Variants in AFF2 observed in about 807,000 individuals in gnomAD.
AFF2 encodes AF4/FMR2 family member 2.
A neutral mutation model predicts 76.9 loss-of-function variants in AFF2; 14 were observed. The observed-to-expected ratio is 0.18, with a 90% CI of 0.12 to 0.28. The LOEUF (loss-of-function observed/expected upper bound fraction) is 0.28. Among genes scored for constraint, AFF2 ranks in the 10% least tolerant of loss-of-function variants. The pLI is 1.00. For missense variants in AFF2, 868 were observed against 1,001.1 expected (o/e 0.87, Z 1.79); for synonymous variants, 398 against 366.7 (o/e 1.09, Z -0.98).
Position 148,936,488 on chromosome X carries a change from G to A in AFF2, c.1398-17092G>A, listed in dbSNP as rs148094233. Among the ~76,000 whole-genome samples the A allele has an allele frequency of 3.1e-3, 354 of 112,412 alleles. 2 individuals carry two copies. Among genetic ancestry groups the A allele is most frequent in the African/African-American group, 0.011 (336 of 30,970 alleles). On this transcript the variant is annotated intron_variant, in intron 9 of 20. Coordinates refer to ENST00000370460, the MANE Select transcript of AFF2 (RefSeq NM_002025.4). ...CTGCTTCACCATGACACTTCTCTAG[G>A]ACTTTGGAGTGAACATGTTTGCTAA...
rs368578550 is a variant in AFF2 at position 148,809,919 on chromosome X, G to C, written c.1085G>C (p.Arg362Pro). 2.5e-6 allele frequency: 3 copies of C among 1,209,411 alleles called. No individual in the cohort carries two copies. The highest frequency in any genetic ancestry group is 3.4e-6 in the Non-Finnish European group (3 of 893,839). Residue 362 changes from arginine (R) to proline (P), a missense_variant and splice_region_variant, in exon 4 of 21, where the codon CGG becomes CCG. Around this residue, in one of 6 missense-constraint regions of AFF2, gnomAD observed 532 missense variants for 564.2 expected, o/e 0.94. Coordinates refer to ENST00000370460, the MANE Select transcript of AFF2 (RefSeq NM_002025.4). ...CCAAGCTGTGTTGAAGAAATCTTGC[G>C]GGTGAGTTTAAACCTTTATTTTTGT... is the stretch of plus-strand genomic sequence containing the variant. ...SDPSCVEEILREMTHSWPTPL... is the reference protein window; with the variant it reads ...SDPSCVEEILPEMTHSWPTPL...
chrX:148,937,177 G>A (rs1312067196), intron 9 of AFF2, among the ~76,000 whole-genome samples: 2 of 111,650 alleles, frequency 1.8e-5, no homozygotes, highest in Non-Finnish European at 3.8e-5. Flanking sequence ...TAAAAACTAT[G>A]AGACTAGACA....
Position 148,995,042 on chromosome X carries a change from T to C in AFF2, c.*3710T>C, listed in dbSNP as rs1222750386. 1 of 111,895 alleles carries C rather than the reference T, an allele frequency of 8.9e-6. No individual in the cohort carries two copies. Among genetic ancestry groups the C allele is most frequent in the Non-Finnish European group, 1.9e-5 (1 of 53,098 alleles). 9.2% of individuals were successfully genotyped at this position (111,895 alleles called of 1,213,427 possible). On this transcript the variant is annotated 3_prime_UTR_variant, in exon 21 of 21. Transcript: ENST00000370460. ...AGCTACACAGTATCAAATGAATGGG[T>C]CAATTCAGCACCCCCAAATTTAATT...
chrX:148,662,883 A>G, intron 3 of AFF2, 115 bp downstream of exon 3: 1 of 791,228 alleles, frequency 1.3e-6, no homozygotes, highest in Non-Finnish European at 1.8e-6. Context: ...TGTATAGGAT[A>G]CTCTTCAAGT....
In AFF2 at chrX:148,992,756, A is replaced by G. The variant is rs904432282; in HGVS notation, c.*1424A>G. ...CCTTATGATCCTTCACATTCATTTT[A>G]TGTCCCTAAACATCACAATGTAAAT... On this transcript the variant is annotated 3_prime_UTR_variant, in exon 21 of 21. Transcript: ENST00000370460. 1 of 112,242 alleles carries G rather than the reference A, an allele frequency of 8.9e-6. No homozygotes were observed. The highest frequency in any genetic ancestry group is 1.9e-5 in the Non-Finnish European group (1 of 53,236). The allele number at this position is 112,242 out of a possible 1,213,427, so 9.3% of individuals were successfully genotyped here.
intron 1 of AFF2, among the ~76,000 whole-genome samples, chrX:148,524,058 T>A (rs1413614034): frequency 9.2e-6 from 1 of 108,826 alleles, no homozygotes; most frequent in Non-Finnish European, 1.9e-5. Context: ...ACTTCGGTAC[T>A]GATGTACAGC....
At chrX:148,757,234 G>A (rs1271331921) in intron 3 of AFF2, among the ~76,000 whole-genome samples, 2 of 112,056 alleles carry the variant, frequency 1.8e-5, no homozygotes, top group East Asian at 2.8e-4. Flanking sequence ...ATTGTCCATA[G>A]TTGCTTTTGC....
chrX:148,852,594 G>C (rs1198252995), intron 7 of AFF2, among the ~76,000 whole-genome samples: 1 of 111,105 alleles, frequency 9.0e-6, no homozygotes, highest in Non-Finnish European at 1.9e-5. Context: ...GGTACAGAAA[G>C]AAACGAAGAA....
chrX:148,985,261 C>T (rs1268258031), intron 19 of AFF2, among the ~76,000 whole-genome samples: 2 of 92,316 alleles, frequency 2.2e-5, no homozygotes, highest in Non-Finnish European at 2.1e-5. Flanking sequence ...ACTGGGATTA[C>T]AGGCATGAGC....
At chrX:148,766,246 T>C (rs1228410140) in intron 3 of AFF2, among the ~76,000 whole-genome samples, 2 of 109,449 alleles carry the variant, frequency 1.8e-5, no homozygotes, top group Admixed American at 1.9e-4. Context: ...GGTCAAATGG[T>C]ATTTCTAGTT....
chrX:148,810,563 T>C (rs1258862296), intron 4 of AFF2, among the ~76,000 whole-genome samples: 2 of 112,281 alleles, frequency 1.8e-5, no homozygotes, highest in Non-Finnish European at 3.8e-5. Context: ...TAAGGCAGTA[T>C]GGAATCTCAA....
intron 1 of AFF2, among the ~76,000 whole-genome samples, chrX:148,574,067 T>A (rs782271838): frequency 1.8e-5 from 2 of 111,330 alleles, no homozygotes; most frequent in South Asian, 3.8e-4. Flanking sequence ...CCAATCTATA[T>A]GTCTCACAGC....
At chrX:148,617,982 C>T (rs183793151) in intron 1 of AFF2, among the ~76,000 whole-genome samples, 7 of 111,465 alleles carry the variant, frequency 6.3e-5, no homozygotes, top group Non-Finnish European at 9.4e-5. Context: ...GGTATATATA[C>T]AATGAACCTT....
chrX:148,610,542 G>C (rs2053718778), intron 1 of AFF2, among the ~76,000 whole-genome samples: 1 of 111,964 alleles, frequency 8.9e-6, no homozygotes, highest in Non-Finnish European at 1.9e-5. Context: ...CTTTCATTCT[G>C]AGTGAGCCAT....
At chrX:148,547,339 G>C (rs1603238481) in intron 1 of AFF2, 1 of 111,340 alleles carries the variant, frequency 9.0e-6, no homozygotes, top group Non-Finnish European at 1.9e-5. Context: ...TGTACATGAA[G>C]AGATGAGAAA....
chrX:148,858,087 G>A (rs1423762773), intron 7 of AFF2, among the ~76,000 whole-genome samples: 2 of 111,046 alleles, frequency 1.8e-5, no homozygotes, highest in Non-Finnish European at 3.8e-5. Flanking sequence ...TTCCAATAAC[G>A]TAAATGGGAT....
At chrX:148,961,396 T>A (rs2072106650) in intron 12 of AFF2, among the ~76,000 whole-genome samples, 1 of 112,704 alleles carries the variant, frequency 8.9e-6, no homozygotes, top group Non-Finnish European at 1.9e-5. Flanking sequence ...GCATCACTAC[T>A]ATTTTAAAAT....
intron 20 of AFF2, among the ~76,000 whole-genome samples, chrX:148,990,773 TGG>T (rs2072525248): frequency 8.9e-6 from 1 of 112,254 alleles, no homozygotes; most frequent in Non-Finnish European, 1.9e-5. Flanking sequence ...TCCAGATTCA[TGG>T]GCCTTGTCTA....
At chrX:148,753,835 A>G (rs183119687) in intron 3 of AFF2, among the ~76,000 whole-genome samples, 95 of 111,778 alleles carry the variant, frequency 8.5e-4, no homozygotes, top group Non-Finnish European at 1.5e-3. Context: ...TTAGTTCTAC[A>G]TTCCATGAAA....
Sources: gnomAD v4.1 joint callset for allele counts (sites outside exome capture counted in the v4.1 genomes callset) on GRCh38, gnomAD v4.1.1 for gene constraint, gnomAD v4.1.1 regional missense constraint, MANE v1.5 for transcripts, NCBI Gene and HGNC (gene_info 2026-07-23, HGNC 2026-07-21) for gene names.